CACNA1C: variants seen among roughly 807,000 people sequenced by gnomAD.
The protein encoded by CACNA1C is calcium voltage-gated channel subunit alpha1 C.
CACNA1C carries 30 observed loss-of-function variants against 229.0 expected under a neutral mutation model. That is an observed-to-expected ratio of 0.13 (90% CI 0.10 to 0.18). CACNA1C has a LOEUF of 0.18. CACNA1C is among the 10% of genes least tolerant of loss of function. The probability of loss-of-function intolerance (pLI) is 1.00; values close to 1 mark genes in which losing one functional copy is unlikely to be tolerated. For missense variants in CACNA1C, 1,658 were observed against 2,845.0 expected, an observed-to-expected ratio of 0.58 and a Z score of 9.49; for synonymous variants, 1,114 against 1,132.5, an observed-to-expected ratio of 0.98 and a Z score of 0.33.
intron 9 of CACNA1C, among the ~76,000 whole-genome samples, chr12:2,546,600 C>A (rs1190772655): frequency 6.6e-6 from 1 of 152,242 alleles, no homozygotes; most frequent in African/African-American, 2.4e-5. Context: ...CGTGCAGTGG[C>A]TGGTGTCTTC....
intron 9 of CACNA1C, among the ~76,000 whole-genome samples, chr12:2,538,367 G>T (rs1015506950): frequency 6.6e-6 from 1 of 152,198 alleles, no homozygotes; most frequent in African/African-American, 2.4e-5. Context: ...TGTTGAGAAG[G>T]TTCTGGAAGC....
intron 3 of CACNA1C, among the ~76,000 whole-genome samples, chr12:2,207,337 C>T (rs1016271069): frequency 3.3e-5 from 5 of 152,128 alleles, no homozygotes; most frequent in South Asian, 2.1e-4. Context: ...GCACATTAAG[C>T]GGAGAGGTCA....
At chr12:2,060,901 T>C (rs758358552) in intron 1 of CACNA1C, among the ~76,000 whole-genome samples, 11 of 152,256 alleles carry the variant, frequency 7.2e-5, no homozygotes, top group Non-Finnish European at 1.5e-4. Flanking sequence ...GAGTACTCAA[T>C]TAAGCTCTAT....
At chr12:2,381,686 C>A (rs555023379) in intron 3 of CACNA1C, among the ~76,000 whole-genome samples, 1 of 152,308 alleles carries the variant, frequency 6.6e-6, no homozygotes, top group African/African-American at 2.4e-5. Context: ...GTTTCCTTGT[C>A]GTAGAGAACT....
chr12:2,540,016 A>G (rs952728416), intron 9 of CACNA1C, among the ~76,000 whole-genome samples: 59 of 152,202 alleles, frequency 3.9e-4, no homozygotes, highest in African/African-American at 1.3e-3. Flanking sequence ...GGAGAGGGCC[A>G]TGGGGCAGAC....
intron 1 of CACNA1C, among the ~76,000 whole-genome samples, chr12:1,972,427 A>G (rs1170416352): frequency 1.3e-5 from 2 of 152,236 alleles, no homozygotes; most frequent in African/African-American, 4.8e-5. Context: ...CGTTACTAGC[A>G]TATGGTAGTA....
chr12:1,985,873 C>A (rs1037276053), intron 1 of CACNA1C, among the ~76,000 whole-genome samples: 5 of 151,990 alleles, frequency 3.3e-5, no homozygotes, highest in Admixed American at 3.3e-4. Flanking sequence ...TGCAGTGGTG[C>A]GATCTTGGCT....
intron 3 of CACNA1C, among the ~76,000 whole-genome samples, 184 bp from the exon 4 acceptor site, chr12:2,448,792 G>A (rs116830296): frequency 3.0e-4 from 46 of 152,040 alleles, no homozygotes; most frequent in African/African-American, 1.1e-3. Flanking sequence ...ATCCCCAGTA[G>A]CTTGGTGCTG....
intron 3 of CACNA1C, among the ~76,000 whole-genome samples, chr12:2,358,193 G>A (rs1028457588): frequency 5.3e-5 from 8 of 151,908 alleles, no homozygotes; most frequent in South Asian, 4.2e-4. Flanking sequence ...TTCTCCGGGA[G>A]GGTGTGTCCA....
intron 1 of CACNA1C, among the ~76,000 whole-genome samples, chr12:2,110,959 C>T (rs182435991): frequency 2.0e-5 from 3 of 149,106 alleles, no homozygotes; most frequent in Non-Finnish European, 4.5e-5. Context: ...CGAGAGGCCA[C>T]ACCTGTCTCA....
At chr12:2,046,520 T>C (rs1244127851) in intron 1 of CACNA1C, among the ~76,000 whole-genome samples, 3 of 152,152 alleles carry the variant, frequency 2.0e-5, no homozygotes, top group African/African-American at 7.2e-5. Context: ...AGGGCCATCA[T>C]TTGAATTCAC....
intron 3 of CACNA1C, among the ~76,000 whole-genome samples, chr12:2,239,201 A>G (rs1217389815): frequency 6.6e-6 from 1 of 152,214 alleles, no homozygotes; most frequent in Non-Finnish European, 1.5e-5. Context: ...GTGGGTACCA[A>G]AACAGCCAGA....
intron 13 of CACNA1C, among the ~76,000 whole-genome samples, chr12:2,577,926 T>G (rs922798148): frequency 2.0e-5 from 3 of 150,698 alleles, no homozygotes; most frequent in South Asian, 2.1e-4. Context: ...TGGAGTGCAG[T>G]GGCGCGATCT....
chr12:2,308,913 A>G (rs1213733118), intron 3 of CACNA1C, among the ~76,000 whole-genome samples: 1 of 152,212 alleles, frequency 6.6e-6, no homozygotes, highest in Non-Finnish European at 1.5e-5. Flanking sequence ...TGGTACAGCC[A>G]TTATGGAAAA....
chr12:2,690,678 G>A (rs1168413516), intron 46 of CACNA1C: 1 of 512,862 alleles, frequency 1.9e-6, no homozygotes, highest in African/African-American at 1.9e-5. Flanking sequence ...GACCACCCCA[G>A]CCAAAACTTC....
chr12:2,308,632 GTTC>G (rs1441335034), intron 3 of CACNA1C, among the ~76,000 whole-genome samples: 6 of 152,110 alleles, frequency 3.9e-5, no homozygotes, highest in Non-Finnish European at 7.4e-5. Context: ...CTCCAGCTTC[GTTC>G]TTCTTTCTCA....
chr12:2,523,140 C>T (rs1474703343), intron 9 of CACNA1C, among the ~76,000 whole-genome samples: 9 of 4,326 alleles, frequency 2.1e-3, no homozygotes, highest in African/African-American at 6.5e-3. Context: ...GGAGATGGGG[C>T]GGGAGGGCGG....
At chr12:2,333,179 G>A (rs546560999) in intron 3 of CACNA1C, among the ~76,000 whole-genome samples, 1 of 151,640 alleles carries the variant, frequency 6.6e-6, no homozygotes, top group East Asian at 1.9e-4. Context: ...TGTGTGCTGG[G>A]CACTCCGGAA....
At chr12:2,655,574 C>G (rs2095371335) in intron 34 of CACNA1C, among the ~76,000 whole-genome samples, 1 of 152,224 alleles carries the variant, frequency 6.6e-6, no homozygotes, top group Non-Finnish European at 1.5e-5. Context: ...AGATATCTAA[C>G]TTCTCTGAAC....
Sources: allele counts gnomAD v4.1 joint callset (sites outside exome capture counted in the v4.1 genomes callset), GRCh38; gene constraint gnomAD v4.1.1; transcripts MANE v1.5; gene names NCBI Gene and HGNC (gene_info 2026-07-23, HGNC 2026-07-21).